CNN1: variants seen among roughly 807,000 people sequenced by gnomAD.
CNN1 encodes calponin-1.
A neutral mutation model predicts 35.3 loss-of-function variants in CNN1; 21 were observed. That is an observed-to-expected ratio of 0.60 (90% CI 0.42 to 0.86). CNN1 has a LOEUF of 0.86. Among genes scored for constraint, CNN1 ranks in the 40% least tolerant of loss-of-function variants. The pLI, the probability that CNN1 is intolerant of heterozygous loss-of-function variation, is 0.00. For synonymous variants in CNN1, 164 were observed against 161.8 expected, an observed-to-expected ratio of 1.01 and a Z score of -0.10; for missense variants, 314 against 400.8, an observed-to-expected ratio of 0.78 and a Z score of 1.85.
chr19:11,541,081 C>T lies in CNN1; in HGVS notation c.69C>T (p.Ala23=). ...CTGCCCTCCCCTCGCCCCAGCTGGC[C>T]CAGAAGTATGACCACCAGCGGGAGC... ...GLSAEVKNKL[A]QKYDHQREQE... is the part of the protein sequence containing the mutation. Residue 23 remains alanine, a synonymous_variant, in exon 2 of 7, where the codon GCC becomes GCT. Coordinates refer to ENST00000252456, the MANE Select transcript of CNN1 (RefSeq NM_001299.6). The T allele has an allele frequency of 6.2e-7, 1 of 1,608,904 alleles. No homozygotes were observed. Among genetic ancestry groups the T allele is most frequent in the Non-Finnish European group, 8.5e-7 (1 of 1,177,494 alleles).
At chr19:11,546,078 A>C (rs1233092990) in intron 2 of CNN1, among the ~76,000 whole-genome samples, 1 of 152,170 alleles carries the variant, frequency 6.6e-6, no homozygotes, top group African/African-American at 2.4e-5. Context: ...AAGGATGCTG[A>C]GACACGCCTG....
Position 11,546,949 on chromosome 19 carries a change from C to A in CNN1, c.370C>A (p.Leu124Ile), listed in dbSNP as rs11554140. 1 of 1,614,232 alleles carries A rather than the reference C, an allele frequency of 6.2e-7. No homozygotes were observed. Among genetic ancestry groups the A allele is most frequent in the South Asian group, 1.1e-5 (1 of 91,082 alleles). Residue 124 changes from leucine (L) to isoleucine (I), a missense_variant, in exon 4 of 7, where the codon CTC (leucine) becomes ATC (isoleucine). By Grantham distance (5) the Leu-to-Ile change is conservative. Transcript: ENST00000252456. ...NTNHTQVQST[L>I]LALASMAKTK... is the part of the protein sequence containing the mutation. Reference sequence around the variant, plus strand: ...CAACCATACACAGGTGCAGTCCACCCTCCTGGCTTTGGCCAGCATGGTGAG... The same window carrying A: ...CAACCATACACAGGTGCAGTCCACCATCCTGGCTTTGGCCAGCATGGTGAG...
chr19:11,544,094 TGAG>T (rs769856117), intron 2 of CNN1, among the ~76,000 whole-genome samples: 7 of 151,954 alleles, frequency 4.6e-5, no homozygotes, highest in Non-Finnish European at 7.4e-5. Flanking sequence ...TTAGTCCAGT[TGAG>T]GAGATCAATC....
chr19:11,539,142 T>C, intron 1 of CNN1, 152 bp downstream of exon 1: 1 of 1,069,132 alleles, frequency 9.4e-7, no homozygotes, highest in Non-Finnish European at 1.3e-6. Context: ...GCTGCCTGTC[T>C]CCCCCTGAAC....
intron 2 of CNN1, among the ~76,000 whole-genome samples, chr19:11,546,001 GGC>G (rs1266071500): frequency 1.3e-5 from 2 of 151,986 alleles, no homozygotes; most frequent in Non-Finnish European, 2.9e-5. Context: ...AGAAAAAAGA[GGC>G]GAGATCATTA....
intron 2 of CNN1, 63 bp downstream of exon 2, chr19:11,541,260 C>A: frequency 6.8e-7 from 1 of 1,477,200 alleles, no homozygotes; most frequent in Non-Finnish European, 9.0e-7. Flanking sequence ...GCCCCTCAAC[C>A]CCCAAAACAA....
In CNN1 at chr19:11,546,719, A is replaced by G. The variant is rs2145040100; in HGVS notation, c.230A>G (p.Glu77Gly). ...LQPGSVKKIN[E>G]STQNWHQLEN... The stretch of plus-strand genomic sequence containing the variant: ...CCAGGCTCCGTGAAGAAGATCAATG[A>G]GTCAACCCAAAATTGGCACCAGGTG... The change falls in exon 3 of 7, where the codon GAG (glutamate) becomes GGG (glycine). Residue 77 changes from glutamate (E) to glycine (G), a missense_variant. Glu to Gly is a moderately conservative substitution (Grantham distance 98). Coordinates refer to ENST00000252456, the MANE Select transcript of CNN1 (RefSeq NM_001299.6). The G allele has an allele frequency of 8.7e-6, 14 of 1,614,152 alleles. No homozygotes were observed. Among genetic ancestry groups the G allele is most frequent in the Non-Finnish European group, 1.2e-5 (14 of 1,180,034 alleles).
chr19:11,539,484 A>G, intron 1 of CNN1: 1 of 1,118,600 alleles, frequency 8.9e-7, no homozygotes, highest in Non-Finnish European at 1.1e-6. Context: ...AGCTAGGAAG[A>G]TACCTGGACA....
Position 11,550,165 on chromosome 19 carries a change from C to T in CNN1, c.*370C>T, listed in dbSNP as rs758802518. ...GCTCGGCCTGCCCCCACCCCATTCC[C>T]GCAGTGGGAGCAAACTGCATGCCCA... On this transcript the variant is annotated 3_prime_UTR_variant, in exon 7 of 7. Transcript: ENST00000252456. 2.7e-5 allele frequency: 6 copies of T among 222,210 alleles called. No homozygotes were observed. Among genetic ancestry groups the T allele is most frequent in the Non-Finnish European group, 5.3e-5 (6 of 113,340 alleles). The allele number at this position is 222,210 out of a possible 1,614,324, so 13.8% of individuals were successfully genotyped here.
chr19:11,543,782 CAA>C (rs1158001002), intron 2 of CNN1, among the ~76,000 whole-genome samples: 29 of 51,004 alleles, frequency 5.7e-4, no homozygotes, highest in Middle Eastern at 0.01. Flanking sequence ...GACTCCGTCT[CAA>C]AAAAAAAAAA....
intron 2 of CNN1, among the ~76,000 whole-genome samples, chr19:11,542,511 G>T (rs970836196): frequency 6.6e-6 from 1 of 151,012 alleles, no homozygotes. Flanking sequence ...TTTTCTCCTC[G>T]CCTCAAAACC....
At position 11,546,921 on chromosome 19, in the gene CNN1, C is replaced by T. The variant is rs764219972; in HGVS notation, c.342C>T (p.Asn114=). ...TTGAGGCCAACGACCTGTTTGAGAA[C>T]ACCAACCATACACAGGTGCAGTCCA... ...DIFEANDLFE[N]TNHTQVQSTL... is the part of the protein sequence containing the mutation. Residue 114 remains asparagine, a synonymous_variant, in exon 4 of 7, where the codon AAC becomes AAT. Coordinates refer to ENST00000252456, the MANE Select transcript of CNN1 (RefSeq NM_001299.6). The T allele has an allele frequency of 6.2e-7, 1 of 1,614,242 alleles. No homozygotes were observed. The highest frequency in any genetic ancestry group is 1.1e-5 in the South Asian group (1 of 91,084).
Position 11,547,851 on chromosome 19 carries a change from G to C in CNN1, c.445G>C (p.Glu149Gln), listed in dbSNP as rs1388444278. 1.2e-6 allele frequency: 2 copies of C among 1,613,984 alleles called. No homozygotes were observed. The highest frequency in any genetic ancestry group is 1.6e-4 in the Middle Eastern group (1 of 6,084). ...GGGAGTGAAGTACGCAGAGAAGCAG[G>C]AGCGGAAATTCGAGCCGGGGAAGCT... Reference protein sequence around the residue: ...NVGVKYAEKQERKFEPGKLRE... With the variant: ...NVGVKYAEKQQRKFEPGKLRE... The change falls in exon 5 of 7, where the codon GAG (glutamate) becomes CAG (glutamine). Residue 149 changes from glutamate (E) to glutamine (Q), a missense_variant. Transcript: ENST00000252456.
At chr19:11,547,067 G>GCGGGGGGCAGGGAC in intron 4 of CNN1, 98 bp downstream of exon 4, 1 of 1,549,290 alleles carries the variant, frequency 6.5e-7, no homozygotes, top group Non-Finnish European at 8.8e-7. Flanking sequence ...AGGTGGCGGA[G>GCGGGGGGCAGGGAC]CGGGGGGCAG....
Position 11,547,925 on chromosome 19 carries a change from C to A in CNN1, c.501+18C>A. 6.2e-7 allele frequency: 1 copy of A among 1,605,058 alleles called. No homozygotes were observed. The highest frequency in any genetic ancestry group is 8.5e-7 in the Non-Finnish European group (1 of 1,173,848). On this transcript the variant is annotated intron_variant, in intron 5 of 6. Transcript: ENST00000252456. Reference sequence around the variant, plus strand: ...GGCTGCAGGTACCGCCCTGTCCTCACTGCGCAGAGGTCATAGAGGCCAGGA... The same window carrying A: ...GGCTGCAGGTACCGCCCTGTCCTCAATGCGCAGAGGTCATAGAGGCCAGGA...
Position 11,547,862 on chromosome 19 carries a change from C to T in CNN1, c.456C>T (p.Phe152=), listed in dbSNP as rs762813878. 7.4e-6 allele frequency: 12 copies of T among 1,613,844 alleles called. No homozygotes were observed. Among genetic ancestry groups the T allele is most frequent in the African/African-American group, 4.0e-5 (3 of 74,916 alleles). ...ACGCAGAGAAGCAGGAGCGGAAATT[C>T]GAGCCGGGGAAGCTAAGAGAAGGGC... ...VKYAEKQERK[F]EPGKLREGRN... The change falls in exon 5 of 7, where the codon TTC becomes TTT. Residue 152 remains phenylalanine, a synonymous_variant. Coordinates refer to ENST00000252456, the MANE Select transcript of CNN1 (RefSeq NM_001299.6).
Position 11,543,489 on chromosome 19 carries a change from T to A in CNN1, c.185+2292T>A, listed in dbSNP as rs548535653. On this transcript the variant is annotated intron_variant, in intron 2 of 6. Transcript: ENST00000252456. ...ATAATAATAATAATAATAATAATAA[T>A]AAAAGAGTGGGCCGGGCGCGGTGAC... 3.1e-3 allele frequency among the ~76,000 whole-genome samples: 460 copies of A among 148,838 alleles called. 6 individuals carry two copies. The highest frequency in any genetic ancestry group is 0.014 in the Middle Eastern group (4 of 292).
rs1313089483 is a variant in CNN1, at chr19:11,546,915, T to C, written c.336T>C (p.Phe112=). 6.2e-7 allele frequency: 1 copy of C among 1,614,094 alleles called. No homozygotes were observed. Among genetic ancestry groups the C allele is most frequent in the East Asian group, 2.2e-5 (1 of 44,894 alleles). Residue 112 remains phenylalanine, a synonymous_variant, in exon 4 of 7, where the codon TTT becomes TTC. Transcript: ENST00000252456. ...PHDIFEANDL[F]ENTNHTQVQS... ...ACATTTTTGAGGCCAACGACCTGTTTGAGAACACCAACCATACACAGGTGC... is the reference window on the plus strand; with the variant it reads ...ACATTTTTGAGGCCAACGACCTGTTCGAGAACACCAACCATACACAGGTGC...
chr19:11,541,456 T>C (rs1015323595), intron 2 of CNN1, among the ~76,000 whole-genome samples: 1 of 152,198 alleles, frequency 6.6e-6, no homozygotes, highest in African/African-American at 2.4e-5. Flanking sequence ...GGTAGGCCCA[T>C]CTGTGGCCGC....
Sources: allele counts gnomAD v4.1 joint callset (sites outside exome capture counted in the v4.1 genomes callset), GRCh38; gene constraint gnomAD v4.1.1; transcripts MANE v1.5; gene names NCBI Gene and HGNC (gene_info 2026-07-23, HGNC 2026-07-21).